Variants in PALM2AKAP2 observed in about 807,000 individuals in gnomAD.
PALM2AKAP2 encodes PALM2 and AKAP2 fusion.
A neutral mutation model predicts 71.5 loss-of-function variants in PALM2AKAP2; 37 were observed. The observed-to-expected ratio is 0.52, with a 90% CI of 0.40 to 0.68. PALM2AKAP2 has a LOEUF of 0.68. Among genes scored for constraint, PALM2AKAP2 ranks in the 30% least tolerant of loss-of-function variants. The probability of loss-of-function intolerance (pLI) is 0.00; values close to 1 mark genes in which losing one functional copy is unlikely to be tolerated. For missense variants in PALM2AKAP2, 1,224 were observed against 1,191.8 expected, an observed-to-expected ratio of 1.03 and a Z score of -0.40; for synonymous variants, 468 against 478.8, an observed-to-expected ratio of 0.98 and a Z score of 0.29.
At chr9:109,845,348 C>T (rs185070146) in intron 1 of PALM2AKAP2, among the ~76,000 whole-genome samples, 1 of 152,194 alleles carries the variant, frequency 6.6e-6, no homozygotes, top group Non-Finnish European at 1.5e-5. Context: ...GCAGTCACTC[C>T]GCCAAATGGC....
At chr9:109,892,498 A>G (rs1468506900) in intron 3 of PALM2AKAP2, among the ~76,000 whole-genome samples, 1 of 152,192 alleles carries the variant, frequency 6.6e-6, no homozygotes, top group Non-Finnish European at 1.5e-5. Flanking sequence ...GCCATCATTC[A>G]GTGTACTATA....
intron 1 of PALM2AKAP2, among the ~76,000 whole-genome samples, chr9:109,662,106 C>T (rs1199855846): frequency 6.6e-5 from 10 of 150,946 alleles, no homozygotes; most frequent in South Asian, 2.1e-4. Context: ...ATCATGTCAT[C>T]TGCAAACAGG....
chr9:110,101,405 C>CCTT (rs10634836), intron 1 of PALM2AKAP2, among the ~76,000 whole-genome samples: 35,603 of 151,714 alleles, frequency 0.23, 5,342 homozygotes, highest in African/African-American at 0.42. Flanking sequence ...CTCTCTCCCT[C>CCTT]ATTACTTTCT....
rs187627970 is a variant in PALM2AKAP2 at position 110,114,082 on chromosome 9, C to T, written c.157-22045C>T. Among the ~76,000 whole-genome samples the T allele has an allele frequency of 9.5e-4, 145 of 152,324 alleles. 1 individual carries two copies. The highest frequency in any genetic ancestry group is 1.2e-3 in the Non-Finnish European group (79 of 68,030). On this transcript the variant is annotated intron_variant, in intron 1 of 3. Transcript: ENST00000374525. ...AGCTATAACAAATTCTCACAAATTACGTGGTTGAAAACAATAGCAATTTGT... is the reference window on the plus strand; with the variant it reads ...AGCTATAACAAATTCTCACAAATTATGTGGTTGAAAACAATAGCAATTTGT...
In PALM2AKAP2 at chr9:110,109,734, G is replaced by GCCTCC. The variant is rs1194088547; in HGVS notation, c.157-26392_157-26391insCTCCC. On this transcript the variant is annotated intron_variant, in intron 1 of 3. Transcript: ENST00000374525. ...TTGCCTGGGAGTGAGAGAGGAAAGG[G>GCCTCC]CATGCCTATGTGGAGGTACCAGCAA... 5.3e-5 allele frequency among the ~76,000 whole-genome samples: 8 copies of GCCTCC among 152,244 alleles called. No individual in the cohort carries two copies. The South Asian group carries it at 1.2e-3, about 24-fold the overall frequency.
chr9:110,048,718 G>C (rs1447376857), exon 1 of PALM2AKAP2: 6 of 1,547,932 alleles, frequency 3.9e-6, no homozygotes, highest in East Asian at 2.4e-5. Context: ...GCCCCAGCCC[G>C]GGGCTGCCGC....
intron 1 of PALM2AKAP2, among the ~76,000 whole-genome samples, chr9:110,113,079 G>C (rs1373136058): frequency 6.6e-6 from 1 of 152,162 alleles, no homozygotes; most frequent in African/African-American, 2.4e-5. Context: ...GTGTACAACA[G>C]CATACATGTA....
chr9:110,032,935 C>T (rs893703008), intron 7 of PALM2AKAP2, among the ~76,000 whole-genome samples: 6 of 151,542 alleles, frequency 4.0e-5, no homozygotes, highest in African/African-American at 1.5e-4. Flanking sequence ...GACCCTATTT[C>T]TATTATAAAT....
At position 109,973,570 on chromosome 9, in the gene PALM2AKAP2, G is replaced by A. The variant is rs1314182845; in HGVS notation, c.496+41542G>A. 4.6e-5 allele frequency among the ~76,000 whole-genome samples: 7 copies of A among 152,174 alleles called. No individual in the cohort carries two copies. In the South Asian group the frequency reaches 1.5e-3, roughly 32 times the overall value. ...CAAGCCTGGCACCAATGGGGTAGGG[G>A]AGTATCCTCCTCCCATAGAGCAGCA... On this transcript the variant is annotated intron_variant, in intron 6 of 9. Coordinates refer to the PALM2AKAP2 transcript ENST00000302798.
chr9:110,119,235 C>T (rs953090475), intron 1 of PALM2AKAP2, among the ~76,000 whole-genome samples: 3 of 150,070 alleles, frequency 2.0e-5, no homozygotes, highest in East Asian at 2.0e-4. Flanking sequence ...CCCAGCTGCT[C>T]GGGAGGCTGA....
chr9:110,087,404 T>G (rs1408227362), intron 1 of PALM2AKAP2, among the ~76,000 whole-genome samples: 1 of 152,236 alleles, frequency 6.6e-6, no homozygotes, highest in African/African-American at 2.4e-5. Context: ...GGACTAATCT[T>G]GCAGGTCTTC....
At chr9:109,647,974 T>G (rs558879849) in intron 1 of PALM2AKAP2, among the ~76,000 whole-genome samples, 227 of 152,310 alleles carry the variant, frequency 1.5e-3, no homozygotes, top group Non-Finnish European at 2.6e-3. Context: ...CACCCAAATA[T>G]CATCTCAAAC....
chr9:110,068,864 G>A (rs1834144139), intron 1 of PALM2AKAP2, among the ~76,000 whole-genome samples: 1 of 152,114 alleles, frequency 6.6e-6, no homozygotes, highest in Admixed American at 6.5e-5. Flanking sequence ...CTTCTTTCTT[G>A]GTTTGCCACA....
chr9:109,841,233 G>T (rs1326335755), intron 1 of PALM2AKAP2, among the ~76,000 whole-genome samples: 3 of 151,606 alleles, frequency 2.0e-5, no homozygotes, highest in African/African-American at 7.3e-5. Context: ...GGATGAAGCT[G>T]GAAACCATCA....
chr9:109,992,769 T>C (rs1832508483), intron 6 of PALM2AKAP2, among the ~76,000 whole-genome samples: 1 of 152,034 alleles, frequency 6.6e-6, no homozygotes, highest in Non-Finnish European at 1.5e-5. Context: ...CTTCTGACCA[T>C]AGCATTTCCT....
At chr9:109,982,634 A>G (rs1241287220) in intron 6 of PALM2AKAP2, among the ~76,000 whole-genome samples, 5 of 152,026 alleles carry the variant, frequency 3.3e-5, no homozygotes, top group African/African-American at 7.2e-5. Context: ...AATTTTTTTA[A>G]AGAGAGAGAG....
intron 1 of PALM2AKAP2, among the ~76,000 whole-genome samples, chr9:109,752,783 T>C (rs893893949): frequency 6.6e-6 from 1 of 152,090 alleles, no homozygotes; most frequent in Non-Finnish European, 1.5e-5. Context: ...CTGATTGCGA[T>C]GCAACAGATG....
chr9:110,130,416 A>G (rs1225544345), intron 1 of PALM2AKAP2, among the ~76,000 whole-genome samples: 3 of 152,198 alleles, frequency 2.0e-5, no homozygotes, highest in African/African-American at 7.2e-5. Context: ...GTGGAGACAT[A>G]GGCACCTGTG....
chr9:109,952,112 ATC>A (rs1347092790), intron 6 of PALM2AKAP2, among the ~76,000 whole-genome samples: 2 of 152,224 alleles, frequency 1.3e-5, no homozygotes, highest in Non-Finnish European at 2.9e-5. Context: ...GGGCCAAATG[ATC>A]TCTGTTACAA....
Sources: gnomAD v4.1 joint callset for allele counts (sites outside exome capture counted in the v4.1 genomes callset) on GRCh38, gnomAD v4.1.1 for gene constraint, MANE v1.5 for transcripts, NCBI Gene and HGNC (gene_info 2026-07-23, HGNC 2026-07-21) for gene names.